CEP131: variants seen among roughly 807,000 people sequenced by gnomAD.
CEP131 encodes the protein centrosomal protein of 131 kDa.
A neutral mutation model predicts 136.8 loss-of-function variants in CEP131; 99 were observed. The ratio of observed to expected loss-of-function variants is 0.72; its 90% CI spans 0.62 to 0.86. The LOEUF is 0.86. CEP131 is among the 40% of genes least tolerant of loss of function. CEP131 has a pLI of 0.00. For synonymous variants in CEP131, 646 were observed against 612.7 expected, an observed-to-expected ratio of 1.05 and a Z score of -0.80; for missense variants, 1,459 against 1,463.0, an observed-to-expected ratio of 1.00 and a Z score of 0.04.
intron 7 of CEP131, among the ~76,000 whole-genome samples, chr17:81,201,524 TTCTG>T (rs2061890915): frequency 6.6e-6 from 1 of 152,184 alleles, no homozygotes; most frequent in Non-Finnish European, 1.5e-5. Flanking sequence ...CTTTTTTCAG[TTCTG>T]TATCTTCTTT....
rs912240902 is a variant in CEP131, at chr17:81,215,968, G to A, written c.177+3912C>T. Among the ~76,000 whole-genome samples, 4 of 152,018 alleles carry A rather than the reference G, an allele frequency of 2.6e-5. No homozygotes were observed. The highest frequency in any genetic ancestry group is 4.8e-5 in the African/African-American group (2 of 41,398). On this transcript the variant is annotated intron_variant, in intron 2 of 25. Transcript: ENST00000450824. This position sits in a 1 kb window ranked among gnomAD's most constrained non-coding sequence, Gnocchi z 4.1. ...GGGTCAGGTGCAGCGGCCCACACCC[G>A]TAATCCCAGCACTTTGGGAGGCCGA... is the stretch of plus-strand genomic sequence containing the variant.
At chr17:81,198,806 G>A in intron 11 of CEP131, 71 bp downstream of exon 11, 1 of 1,455,954 alleles carries the variant, frequency 6.9e-7, no homozygotes, top group South Asian at 1.2e-5. Context: ...CTCAGCTCAG[G>A]ACACCCCTGG....
rs138839065 is a variant in CEP131 at position 81,221,056 on chromosome 17, C to T, written c.-17-983G>A. Among the ~76,000 whole-genome samples the T allele has an allele frequency of 9.1e-4, 124 of 135,774 alleles. 1 individual carries two copies. Among genetic ancestry groups the T allele is most frequent in the African/African-American group, 3.1e-3 (116 of 37,308 alleles). The allele number at this position is 135,774 out of a possible 152,430, so 89.1% of individuals were successfully genotyped here. A position where few individuals can be genotyped will look rare whatever the true frequency, so the allele number is the denominator to read the frequency against. On this transcript the variant is annotated intron_variant, in intron 1 of 25. Transcript: ENST00000450824. ...AGGGGAATTACTTGAACCTGGTAGG[C>T]GGAGTTTACAGTGAGCCAAGATCGT...
At chr17:81,193,190 GCAGGTGCCTCGTGGGGCCTTATC>G (rs1223052087) in intron 18 of CEP131, among the ~76,000 whole-genome samples, 2 of 152,210 alleles carry the variant, frequency 1.3e-5, no homozygotes, top group African/African-American at 4.8e-5. Context: ...AGGGCGGGAG[GCAGGTGCCTCGTGGGGCCTTATC>G]CACCTCCCCT....
chr17:81,196,515 A>ACACCCCACTACACTCACACGG (rs2061758178), intron 15 of CEP131, among the ~76,000 whole-genome samples, 186 bp downstream of exon 15: 3 of 152,222 alleles, frequency 2.0e-5, no homozygotes, highest in Non-Finnish European at 4.4e-5. Flanking sequence ...GGATAAAGAC[A>ACACCCCACTACACTCACACGG]GGAGTGCCCT....
intron 2 of CEP131, among the ~76,000 whole-genome samples, chr17:81,210,883 G>A (rs911005995): frequency 6.6e-6 from 1 of 150,452 alleles, no homozygotes; most frequent in South Asian, 2.1e-4. Context: ...ACCCCACCAG[G>A]ACACCCCAAT....
At chr17:81,190,170 G>A (rs894902959) in intron 24 of CEP131, among the ~76,000 whole-genome samples, 195 bp from the exon 25 acceptor site, 5 of 152,206 alleles carry the variant, frequency 3.3e-5, no homozygotes, top group Admixed American at 6.5e-5. Flanking sequence ...ACAGGCCACT[G>A]GAGTATGACC....
At chr17:81,205,709 G>A (rs1440268041) in intron 5 of CEP131, among the ~76,000 whole-genome samples, 1 of 151,924 alleles carries the variant, frequency 6.6e-6, no homozygotes, top group East Asian at 1.9e-4. Flanking sequence ...GACCAGCCTG[G>A]GCAACACAGC....
At chr17:81,206,117 G>A (rs1226298929) in intron 5 of CEP131, among the ~76,000 whole-genome samples, 2 of 152,180 alleles carry the variant, frequency 1.3e-5, no homozygotes, top group Admixed American at 1.3e-4. Context: ...GGGAGGCTGA[G>A]GCTGGAGAAT....
chr17:81,192,894 G>T lies in CEP131; in HGVS notation c.2322-51C>A. 1.9e-6 allele frequency: 3 copies of T among 1,565,196 alleles called. No individual in the cohort carries two copies. The East Asian group carries it at 7.0e-5, about 37-fold the overall frequency. Reference sequence around the variant, plus strand: ...CGGGGGCCGGGACGGGCGGTCCCAGGACCCACCCACCGCAGGGGCACGGGC... The same window carrying T: ...CGGGGGCCGGGACGGGCGGTCCCAGTACCCACCCACCGCAGGGGCACGGGC... On this transcript the variant is annotated intron_variant, in intron 18 of 25. Coordinates refer to ENST00000450824, the MANE Select transcript of CEP131 (RefSeq NM_014984.4).
intron 12 of CEP131, 43 bp from the exon 13 acceptor site, chr17:81,197,931 T>C (rs2061801288): frequency 6.3e-7 from 1 of 1,588,760 alleles, no homozygotes. Context: ...CAGGGCAGCC[T>C]GAGGACTTGG....
intron 10 of CEP131, among the ~76,000 whole-genome samples, 158 bp downstream of exon 10, chr17:81,199,223 C>T (rs967324552): frequency 3.9e-5 from 6 of 152,196 alleles, no homozygotes; most frequent in East Asian, 1.9e-4. Context: ...TCGGCACCCT[C>T]GTCAGGTCAG....
chr17:81,218,831 C>T (rs2062317899), intron 2 of CEP131, among the ~76,000 whole-genome samples: 1 of 152,252 alleles, frequency 6.6e-6, no homozygotes, highest in African/African-American at 2.4e-5. Flanking sequence ...CACAGTGGAA[C>T]CCTGGCCTGG....
At chr17:81,195,627 C>A (rs931304693) in intron 16 of CEP131, among the ~76,000 whole-genome samples, 12 of 152,034 alleles carry the variant, frequency 7.9e-5, no homozygotes, top group Admixed American at 7.9e-4. Flanking sequence ...CCCACGGCCC[C>A]GCCCCAGAGC....
chr17:81,196,668 G>T, intron 15 of CEP131, 33 bp downstream of exon 15: 1 of 1,588,584 alleles, frequency 6.3e-7, no homozygotes, highest in East Asian at 2.3e-5. Context: ...CCACGCGCTG[G>T]GTCCGGGCCT....
At chr17:81,196,852 A>G (rs757015894) in intron 14 of CEP131, 26 bp from the exon 15 acceptor site, 17 of 1,599,742 alleles carry the variant, frequency 1.1e-5, no homozygotes, top group Non-Finnish European at 1.4e-5. Context: ...AGAGGAGGGA[A>G]GCGCTAGGAC....
intron 8 of CEP131, 25 bp from the exon 9 acceptor site, chr17:81,199,860 G>T: frequency 6.2e-7 from 1 of 1,606,140 alleles, no homozygotes; most frequent in Non-Finnish European, 8.5e-7. Flanking sequence ...GGTGCCATGT[G>T]GCGTTTACAT....
At chr17:81,213,572 A>AT (rs2062181138) in intron 2 of CEP131, among the ~76,000 whole-genome samples, 3 of 151,906 alleles carry the variant, frequency 2.0e-5, no homozygotes, top group Admixed American at 1.3e-4. Context: ...AAAAAAAAAA[A>AT]ATTATAAATG....
chr17:81,209,009 G>C lies in CEP131; in HGVS notation c.191C>G (p.Pro64Arg), dbSNP rs778608900. The change falls in exon 3 of 26, where the codon CCT becomes CGT. Residue 64 changes from proline to arginine, a missense_variant. By Grantham distance (103) the Pro-to-Arg change is moderately radical. This residue lies in a region of CEP131 where 187 missense variants were observed against 179.9 expected (regional missense o/e 1.04). Coordinates refer to ENST00000450824, the MANE Select transcript of CEP131 (RefSeq NM_014984.4). Reference protein sequence around the residue: ...QKRKVLEATGPGGSQAINNLR... With the variant: ...QKRKVLEATGRGGSQAINNLR... ...GTTGTTGATGGCCTGGGAGCCCCCA[G>C]GCCCTGTGGCCTCCTGCAAAAAGGG... 6.2e-7 allele frequency: 1 copy of C among 1,612,998 alleles called. No individual in the cohort carries two copies. Among genetic ancestry groups the C allele is most frequent in the South Asian group, 1.1e-5 (1 of 91,030 alleles).
Sources: gnomAD v4.1 joint callset for allele counts (sites outside exome capture counted in the v4.1 genomes callset) on GRCh38, gnomAD v4.1.1 for gene constraint, gnomAD v4.1.1 regional missense constraint, Gnocchi (gnomAD v3.1) non-coding constraint, MANE v1.5 for transcripts, NCBI Gene and HGNC (gene_info 2026-07-23, HGNC 2026-07-21) for gene names.